TAFA1: variants seen among roughly 807,000 people sequenced by gnomAD.
TAFA1 encodes TAFA chemokine like family member 1.
A neutral mutation model predicts 18.5 loss-of-function variants in TAFA1; 4 were observed. The observed-to-expected ratio is 0.22, with a 90% CI of 0.11 to 0.49. The LOEUF (loss-of-function observed/expected upper bound fraction) is 0.49, where lower values mean the gene tolerates loss of function less well. Ranked by LOEUF, TAFA1 falls within the 20% of genes least tolerant of loss-of-function variation. TAFA1 has a pLI of 0.98. For missense variants in TAFA1, 147 were observed against 169.0 expected (o/e 0.87, Z 0.72); for synonymous variants, 56 against 55.2 (o/e 1.01, Z -0.06).
intron 2 of TAFA1, among the ~76,000 whole-genome samples, chr3:68,364,470 G>A (rs780260052): frequency 1.3e-5 from 2 of 152,092 alleles, no homozygotes; most frequent in Non-Finnish European, 1.5e-5. Context: ...GAACAGCACC[G>A]TAAAGAGAGA....
intron 2 of TAFA1, among the ~76,000 whole-genome samples, chr3:68,214,915 T>TA (rs2066637254): frequency 1.3e-5 from 2 of 152,154 alleles, no homozygotes; most frequent in East Asian, 3.9e-4. Context: ...CCCACAATTT[T>TA]AGTCCAAGTG....
At chr3:68,361,654 G>GAA (rs11449912) in intron 2 of TAFA1, among the ~76,000 whole-genome samples, 18 of 148,236 alleles carry the variant, frequency 1.2e-4, no homozygotes, top group Middle Eastern at 3.5e-3. Flanking sequence ...GAAAACAAAG[G>GAA]AAAAAAAAAA....
intron 2 of TAFA1, among the ~76,000 whole-genome samples, chr3:68,303,745 G>A (rs565416848): frequency 9.1e-4 from 139 of 152,098 alleles, no homozygotes; most frequent in African/African-American, 3.0e-3. Context: ...CACCGTGCCC[G>A]GCCTGAAAAC....
intron 2 of TAFA1, among the ~76,000 whole-genome samples, chr3:68,146,437 T>C (rs2106912294): frequency 6.6e-6 from 1 of 152,292 alleles, no homozygotes; most frequent in East Asian, 1.9e-4. Context: ...TCTCCCAGCG[T>C]TCAGAGGCTA....
At chr3:68,311,158 C>T (rs1045666283) in intron 2 of TAFA1, among the ~76,000 whole-genome samples, 1 of 152,094 alleles carries the variant, frequency 6.6e-6, no homozygotes, top group Non-Finnish European at 1.5e-5. Context: ...GAGAACAGCA[C>T]AGGAGAGACC....
At chr3:68,539,799 G>T (rs1322148760) in intron 4 of TAFA1, among the ~76,000 whole-genome samples, 3 of 151,374 alleles carry the variant, frequency 2.0e-5, no homozygotes, top group African/African-American at 7.3e-5. Flanking sequence ...TCACTCTGTT[G>T]CCCAGGCTGG....
At chr3:68,352,173 A>G (rs1458110134) in intron 2 of TAFA1, among the ~76,000 whole-genome samples, 1 of 152,046 alleles carries the variant, frequency 6.6e-6, no homozygotes, top group Non-Finnish European at 1.5e-5. Context: ...AGGAGCTTGC[A>G]TAGGAATATG....
At chr3:68,320,788 A>G (rs1382337190) in intron 2 of TAFA1, among the ~76,000 whole-genome samples, 3 of 152,178 alleles carry the variant, frequency 2.0e-5, no homozygotes, top group Non-Finnish European at 4.4e-5. Context: ...CAAGGCAGGA[A>G]TTTGAGAAAG....
intron 3 of TAFA1, among the ~76,000 whole-genome samples, chr3:68,460,601 G>A (rs1026442676): frequency 1.5e-4 from 23 of 152,164 alleles, no homozygotes; most frequent in Non-Finnish European, 4.4e-5. Flanking sequence ...TATAGATTCA[G>A]AGCATCTCTC....
chr3:68,541,261 C>G (rs1300098521), intron 4 of TAFA1, among the ~76,000 whole-genome samples: 1 of 152,154 alleles, frequency 6.6e-6, no homozygotes, highest in African/African-American at 2.4e-5. Context: ...CGTCCTCCCT[C>G]CTCCCTCCTT....
chr3:68,296,117 T>G (rs1476309675), intron 2 of TAFA1, among the ~76,000 whole-genome samples: 1 of 152,216 alleles, frequency 6.6e-6, no homozygotes. Flanking sequence ...TAGCTACTTC[T>G]CATCAGGGAT....
At position 68,051,336 on chromosome 3, in the gene TAFA1, T is replaced by C. The variant is rs193178767; in HGVS notation, c.118+44592T>C. On this transcript the variant is annotated intron_variant, in intron 2 of 4. Coordinates refer to ENST00000478136, the MANE Select transcript of TAFA1 (RefSeq NM_213609.4). Reference sequence around the variant, plus strand: ...ACAGAATAGTTCTTAAGATTCTTACTAAGAATCAGATCTGGCAGAGATATT... The same window carrying C: ...ACAGAATAGTTCTTAAGATTCTTACCAAGAATCAGATCTGGCAGAGATATT... 5.4e-3 allele frequency among the ~76,000 whole-genome samples: 818 copies of C among 152,272 alleles called. 5 individuals carry two copies. Among genetic ancestry groups the C allele is most frequent in the Non-Finnish European group, 8.7e-3 (595 of 68,014 alleles).
At chr3:67,998,835 C>A in the TAFA1 span, among the ~76,000 whole-genome samples, 5 of 152,174 alleles carry the variant, frequency 3.3e-5, no homozygotes, top group Non-Finnish European at 7.3e-5. Context: ...GGGCTATCAA[C>A]CCATAGGAAA....
intron 2 of TAFA1, among the ~76,000 whole-genome samples, chr3:68,330,149 G>A (rs2068841339): frequency 6.6e-6 from 1 of 152,094 alleles, no homozygotes; most frequent in African/African-American, 2.4e-5. Context: ...ATGTATCATG[G>A]GCAAATGGTC....
intron 3 of TAFA1, among the ~76,000 whole-genome samples, chr3:68,502,746 G>C (rs1466573711): frequency 2.6e-5 from 4 of 151,954 alleles, no homozygotes; most frequent in African/African-American, 9.7e-5. Context: ...GACACAATAT[G>C]CAAAGAGCTA....
chr3:68,445,937 C>G (rs1311466619), intron 3 of TAFA1, among the ~76,000 whole-genome samples: 1 of 152,070 alleles, frequency 6.6e-6, no homozygotes, highest in East Asian at 1.9e-4. Flanking sequence ...GGATTTCACT[C>G]TTTGCCCAGG....
chr3:68,176,244 G>T (rs1054975628), intron 2 of TAFA1, among the ~76,000 whole-genome samples: 10 of 152,202 alleles, frequency 6.6e-5, no homozygotes, highest in African/African-American at 2.4e-4. Context: ...CACATTGGGA[G>T]GTCAAGGTGG....
intron 2 of TAFA1, among the ~76,000 whole-genome samples, chr3:68,277,776 C>A (rs770169961): frequency 1.3e-5 from 2 of 152,088 alleles, no homozygotes; most frequent in African/African-American, 4.8e-5. Flanking sequence ...TAGAGAGATA[C>A]GCACAAAAGC....
chr3:68,263,633 G>A (rs77784680), intron 2 of TAFA1, among the ~76,000 whole-genome samples: 12,242 of 151,918 alleles, frequency 0.081, 808 homozygotes, highest in Admixed American at 0.24. Flanking sequence ...CTTGCTCAAA[G>A]AGTTACAGCA....
Sources: gnomAD v4.1 joint callset for allele counts (sites outside exome capture counted in the v4.1 genomes callset) on GRCh38, gnomAD v4.1.1 for gene constraint, MANE v1.5 for transcripts, NCBI Gene and HGNC (gene_info 2026-07-23, HGNC 2026-07-21) for gene names.